The following ASXL3 variants were observed in gnomAD, a reference collection of about 807,000 sequenced individuals.
ASXL3 encodes ASXL transcriptional regulator 3.
Under a neutral mutation model 170.6 loss-of-function variants are expected in ASXL3, and 34 were observed. That is an observed-to-expected ratio of 0.20 (90% CI 0.15 to 0.27). The LOEUF is 0.27. ASXL3 is among the 10% of genes least tolerant of loss of function. ASXL3 has a pLI of 1.00. For synonymous variants in ASXL3, 1,002 were observed against 989.1 expected (o/e 1.01, Z -0.24); for missense variants, 2,592 against 2,695.3 (o/e 0.96, Z 0.85).
intron 7 of ASXL3, among the ~76,000 whole-genome samples, chr18:33,680,478 A>G (rs1463508813): frequency 1.3e-5 from 2 of 152,038 alleles, no homozygotes; most frequent in South Asian, 4.1e-4. Flanking sequence ...TTCAAGATTG[A>G]TTATTGAGTT....
At position 33,743,382 on chromosome 18, in the gene ASXL3, C is replaced by T; in HGVS notation, c.3534C>T (p.Thr1178=). ...PSNKSAHLRE[T]TTVLQQSLNP... ...ACAAGTCTGCCCACCTCCGGGAGAC[C>T]ACCACTGTACTACAGCAGTCTCTTA... Residue 1178 remains threonine (T), a synonymous_variant, in exon 12 of 12, where the codon ACC becomes ACT. Coordinates refer to ENST00000269197, the MANE Select transcript of ASXL3 (RefSeq NM_030632.3). 3 of 1,613,246 alleles carry T rather than the reference C, an allele frequency of 1.9e-6. No homozygotes were observed. Among genetic ancestry groups the T allele is most frequent in the Non-Finnish European group, 2.5e-6 (3 of 1,179,818 alleles).
intron 2 of ASXL3, chr18:33,627,151 C>A (rs1282100741): frequency 6.6e-6 from 1 of 152,260 alleles, no homozygotes. Context: ...TCACTCATTC[C>A]CCTGTCATTT....
chr18:33,737,697 C>T (rs1323743044), intron 10 of ASXL3, among the ~76,000 whole-genome samples: 1 of 152,088 alleles, frequency 6.6e-6, no homozygotes, highest in Non-Finnish European at 1.5e-5. Flanking sequence ...CAAATATGTT[C>T]TGTTATTCTT....
chr18:33,612,008 A>G (rs1013878722), intron 2 of ASXL3, among the ~76,000 whole-genome samples: 4 of 152,100 alleles, frequency 2.6e-5, no homozygotes, highest in Admixed American at 1.3e-4. Context: ...GGCTTGCATG[A>G]CTTACATAGT....
At chr18:33,608,944 G>A in intron 2 of ASXL3, 1 of 788,922 alleles carries the variant, frequency 1.3e-6, no homozygotes, top group Non-Finnish European at 1.5e-6. Flanking sequence ...GGACACCTAT[G>A]CTCAAATTTT....
chr18:33,602,022 G>A (rs920281315), intron 1 of ASXL3, among the ~76,000 whole-genome samples: 3 of 151,376 alleles, frequency 2.0e-5, no homozygotes, highest in Non-Finnish European at 4.4e-5. Context: ...GGTTGGTCTC[G>A]AACTCCTGGG....
At chr18:33,633,710 T>A (rs1166222170) in intron 2 of ASXL3, among the ~76,000 whole-genome samples, 1 of 151,920 alleles carries the variant, frequency 6.6e-6, no homozygotes, top group Non-Finnish European at 1.5e-5. Context: ...CTGAGCGTGA[T>A]GGCGCGTGCC....
In ASXL3 at chr18:33,743,747, T is replaced by C. The variant is rs763868285; in HGVS notation, c.3899T>C (p.Ile1300Thr). ...TGCATAGCCATTATACCAAAATGTA[T>C]TGAAAGCACTCCCATTTCAGCCACT... is the stretch of plus-strand genomic sequence containing the variant. The part of the protein sequence containing the change: ...TPCIAIIPKC[I>T]ESTPISATTE... Residue 1300 changes from isoleucine (I) to threonine (T), a missense_variant, in exon 12 of 12, where the codon ATT (isoleucine) becomes ACT (threonine). By Grantham distance (89) the Ile-to-Thr change is moderately conservative. Transcript: ENST00000269197. 1.2e-6 allele frequency: 2 copies of C among 1,613,926 alleles called. No homozygotes were observed. Among genetic ancestry groups the C allele is most frequent in the South Asian group, 1.1e-5 (1 of 91,082 alleles).
At position 33,747,599 on chromosome 18, in the gene ASXL3, G is replaced by T. The variant is rs1158304304; in HGVS notation, c.*1004G>T. The T allele has an allele frequency of 1.3e-5, 2 of 152,078 alleles. No individual in the cohort carries two copies. Among genetic ancestry groups the T allele is most frequent in the Non-Finnish European group, 2.9e-5 (2 of 68,010 alleles). 9.4% of individuals were successfully genotyped at this position (152,078 alleles called of 1,614,324 possible). A position where few individuals can be genotyped will look rare whatever the true frequency, so the allele number is the denominator to read the frequency against. ...CCCATTCATTCTGGCTTCAGACCTT[G>T]CAGAGGTTGGCCATATCTTTTTAAA... On this transcript the variant is annotated 3_prime_UTR_variant, in exon 12 of 12. Coordinates refer to ENST00000269197, the MANE Select transcript of ASXL3 (RefSeq NM_030632.3).
intron 4 of ASXL3, among the ~76,000 whole-genome samples, chr18:33,653,538 TCAGAAATGACC>T (rs1177388665): frequency 2.6e-5 from 4 of 152,076 alleles, no homozygotes; most frequent in Non-Finnish European, 5.9e-5. Flanking sequence ...CTCTTCACAG[TCAGAAATGACC>T]ATTGGCAGGA....
rs1309013183 is a variant in ASXL3, at chr18:33,743,141, C to T, written c.3293C>T (p.Thr1098Ile). 2 of 1,613,910 alleles carry T rather than the reference C, an allele frequency of 1.2e-6. No individual in the cohort carries two copies. The highest frequency in any genetic ancestry group is 2.2e-5 in the East Asian group (1 of 44,868). ...CCAGGAGAGGGTGGAAAGACGAGAACTCTGGCACACATCAAAGAGCAGACA... is the reference window on the plus strand; with the variant it reads ...CCAGGAGAGGGTGGAAAGACGAGAATTCTGGCACACATCAAAGAGCAGACA... ...GSPGEGGKTRTLAHIKEQTKA... is the reference protein window; with the variant it reads ...GSPGEGGKTRILAHIKEQTKA... The change falls in exon 12 of 12, where the codon ACT (threonine) becomes ATT (isoleucine). Residue 1098 changes from threonine (T) to isoleucine (I), a missense_variant. Physicochemically the swap from Thr to Ile is moderately conservative, Grantham distance 89 (BLOSUM62 -1). This residue lies in a region of ASXL3 where 2,246 missense variants were observed against 2,219.6 expected (regional missense o/e 1.01). Coordinates refer to ENST00000269197, the MANE Select transcript of ASXL3 (RefSeq NM_030632.3).
chr18:33,722,992 A>C (rs1011942869), intron 8 of ASXL3, among the ~76,000 whole-genome samples: 3 of 152,194 alleles, frequency 2.0e-5, no homozygotes, highest in African/African-American at 7.2e-5. Context: ...ATCTGTTTAC[A>C]ACATGGCTTA....
At chr18:33,731,138 T>A (rs1163220819) in intron 8 of ASXL3, among the ~76,000 whole-genome samples, 2 of 152,178 alleles carry the variant, frequency 1.3e-5, no homozygotes, top group Admixed American at 6.5e-5. Context: ...AAGGCATTAT[T>A]TGAGTTAAAT....
chr18:33,589,356 T>C (rs2065059890), intron 1 of ASXL3, among the ~76,000 whole-genome samples: 1 of 152,182 alleles, frequency 6.6e-6, no homozygotes, highest in Non-Finnish European at 1.5e-5. Context: ...GCAACAACTT[T>C]GTAATTTGTT....
At chr18:33,605,413 C>T (rs1031934570) in intron 1 of ASXL3, 2 of 152,120 alleles carry the variant, frequency 1.3e-5, no homozygotes, top group Non-Finnish European at 1.5e-5. Flanking sequence ...ACCTCTCCTT[C>T]TCTCTGTTCT....
intron 10 of ASXL3, 74 bp downstream of exon 10, chr18:33,734,489 A>G: frequency 1.1e-6 from 1 of 886,358 alleles, no homozygotes; most frequent in Non-Finnish European, 1.7e-6. Flanking sequence ...CACATAGCAC[A>G]CTCATATGCT....
At position 33,645,036 on chromosome 18, in the gene ASXL3, A is replaced by G. The variant is rs764816309; in HGVS notation, c.246+34A>G. The G allele has an allele frequency of 7.2e-5, 99 of 1,377,238 alleles. 2 individuals are homozygous for G. In the South Asian group the frequency reaches 1.0e-3, roughly 15 times the overall value. 85.3% of individuals were successfully genotyped at this position (1,377,238 alleles called of 1,614,324 possible). A position where few individuals can be genotyped will look rare whatever the true frequency, so the allele number is the denominator to read the frequency against. On this transcript the variant is annotated intron_variant, in intron 3 of 11. Transcript: ENST00000269197. ...CATTGTTCTGCATATTGTTATTACT[A>G]TTATCATGCATTTTTTCAGACATGT...
chr18:33,614,552 C>T (rs1279955655), intron 2 of ASXL3: 1 of 152,160 alleles, frequency 6.6e-6, no homozygotes, highest in Non-Finnish European at 1.5e-5. Flanking sequence ...TTCTCAACGG[C>T]ATCTAGCAGG....
At chr18:33,583,872 T>C (rs1303663106) in intron 1 of ASXL3, among the ~76,000 whole-genome samples, 1 of 152,156 alleles carries the variant, frequency 6.6e-6, no homozygotes, top group African/African-American at 2.4e-5. Flanking sequence ...AAGTGAAATA[T>C]GGCCCCTAAA....
Sources: allele counts gnomAD v4.1 joint callset (sites outside exome capture counted in the v4.1 genomes callset), GRCh38; gene constraint gnomAD v4.1.1; regional missense constraint gnomAD v4.1.1; transcripts MANE v1.5; gene names NCBI Gene and HGNC (gene_info 2026-07-23, HGNC 2026-07-21).